The following ANO1 variants were observed in gnomAD, a reference collection of about 807,000 sequenced individuals.
The protein encoded by ANO1 is anoctamin 1, also known as anoctamin-1.
ANO1 carries 59 observed loss-of-function variants against 124.0 expected under a neutral mutation model. That is an observed-to-expected ratio of 0.48 (90% CI 0.39 to 0.59). The LOEUF is 0.59. ANO1 is among the 20% of genes least tolerant of loss of function. ANO1 has a pLI of 0.00. For missense variants in ANO1, 1,059 were observed against 1,328.0 expected (o/e 0.80, Z 3.15); for synonymous variants, 529 against 532.0 (o/e 0.99, Z 0.08).
chr11:70,000,113 G>C (rs1856352892), intron 1 of ANO1, among the ~76,000 whole-genome samples: 1 of 152,178 alleles, frequency 6.6e-6, no homozygotes, highest in African/African-American at 2.4e-5. Context: ...GCAACCAAGT[G>C]AGGTCACTTT....
intron 1 of ANO1, among the ~76,000 whole-genome samples, chr11:70,048,102 T>C (rs1555005890): frequency 6.6e-6 from 1 of 152,254 alleles, no homozygotes; most frequent in African/African-American, 2.4e-5. Context: ...TTTTATGAGA[T>C]ATTATTTTTG....
At chr11:70,161,883 C>T in intron 18 of ANO1, 150 bp downstream of exon 18, 1 of 736,842 alleles carries the variant, frequency 1.4e-6, no homozygotes, top group Non-Finnish European at 2.3e-6. Context: ...AAGGCCTGGG[C>T]CCTGCTGAGG....
chr11:70,022,337 G>A (rs191878286), intron 1 of ANO1, among the ~76,000 whole-genome samples: 324 of 152,262 alleles, frequency 2.1e-3, no homozygotes, highest in Non-Finnish European at 3.1e-3. Flanking sequence ...GGTGGCTCAC[G>A]CCTGTCATCC....
chr11:70,126,285 T>C, intron 10 of ANO1, 90 bp downstream of exon 10: 1 of 1,454,950 alleles, frequency 6.9e-7, no homozygotes, highest in East Asian at 2.5e-5. Flanking sequence ...GACACTGGCC[T>C]CTCACACCAA....
chr11:70,123,614 G>C (rs1040186781), intron 8 of ANO1, among the ~76,000 whole-genome samples: 2 of 152,162 alleles, frequency 1.3e-5, no homozygotes. Context: ...CTCCTGGTGG[G>C]CAGCTGCTCT....
chr11:70,062,905 G>GT (rs569781471), intron 1 of ANO1, among the ~76,000 whole-genome samples: 156 of 152,210 alleles, frequency 1.0e-3, no homozygotes, highest in African/African-American at 3.7e-3. Context: ...CTATTATGTT[G>GT]TTTTTTTGTT....
chr11:70,164,460 A>G (rs1035156146), intron 19 of ANO1, among the ~76,000 whole-genome samples: 2 of 152,172 alleles, frequency 1.3e-5, no homozygotes, highest in African/African-American at 2.4e-5. Flanking sequence ...TCCTTTTTAC[A>G]TGATGATCCC....
intron 1 of ANO1, chr11:70,014,783 G>A (rs1225435572): frequency 1.3e-5 from 2 of 151,520 alleles, no homozygotes; most frequent in Non-Finnish European, 2.9e-5. Context: ...AGTTCCGGAT[G>A]CTCTGCATCC....
intron 8 of ANO1, among the ~76,000 whole-genome samples, chr11:70,117,921 T>C (rs959052428): frequency 5.3e-5 from 8 of 152,312 alleles, no homozygotes; most frequent in Middle Eastern, 3.4e-3. Flanking sequence ...AATTACATAT[T>C]TGGTTATTTT....
At chr11:70,012,068 A>T (rs921530472) in intron 1 of ANO1, among the ~76,000 whole-genome samples, 2 of 151,260 alleles carry the variant, frequency 1.3e-5, no homozygotes, top group African/African-American at 4.9e-5. Context: ...CTAACCATTC[A>T]TTCATCTATC....
chr11:70,161,755 C>A (rs1475116363), intron 18 of ANO1, 22 bp downstream of exon 18: 1 of 1,608,122 alleles, frequency 6.2e-7, no homozygotes, highest in East Asian at 2.2e-5. Flanking sequence ...TTCAGCCTTT[C>A]CCCAACCTCG....
intron 14 of ANO1, 25 bp downstream of exon 14, chr11:70,153,153 T>A: frequency 1.3e-6 from 2 of 1,558,502 alleles, no homozygotes; most frequent in Non-Finnish European, 8.8e-7. Flanking sequence ...GTGGGTTAAC[T>A]TTCCCAGCAA....
chr11:70,182,823 A>G (rs918822032), intron 24 of ANO1, 137 bp downstream of exon 24: 2 of 912,558 alleles, frequency 2.2e-6, no homozygotes, highest in African/African-American at 1.7e-5. Context: ...AAGGAAAAAA[A>G]AAAAGGCTGG....
intron 2 of ANO1, among the ~76,000 whole-genome samples, chr11:70,093,709 G>T (rs959193798): frequency 6.6e-6 from 1 of 152,216 alleles, no homozygotes; most frequent in Non-Finnish European, 1.5e-5. Context: ...ATGCATCCCC[G>T]TAGTGGGTGG....
intron 11 of ANO1, among the ~76,000 whole-genome samples, chr11:70,143,240 C>T (rs564257891): frequency 9.2e-5 from 14 of 152,200 alleles, no homozygotes; most frequent in East Asian, 5.8e-4. Context: ...AGCTACAGAG[C>T]GGGTTGCAGC....
intron 1 of ANO1, among the ~76,000 whole-genome samples, chr11:70,041,569 A>G (rs1857183344): frequency 6.6e-6 from 1 of 152,234 alleles, no homozygotes; most frequent in Non-Finnish European, 1.5e-5. Flanking sequence ...TCATGAAAAG[A>G]TGTGAGCTCA....
intron 16 of ANO1, among the ~76,000 whole-genome samples, chr11:70,160,050 C>G: frequency 6.6e-6 from 1 of 152,150 alleles, no homozygotes; most frequent in East Asian, 1.9e-4. Flanking sequence ...CTGGGGCAAA[C>G]AGACCCATCC....
At chr11:70,012,895 G>A (rs1856626219) in intron 1 of ANO1, among the ~76,000 whole-genome samples, 1 of 152,178 alleles carries the variant, frequency 6.6e-6, no homozygotes, top group Non-Finnish European at 1.5e-5. Context: ...GAGCAGGGCG[G>A]TCCCACTGGA....
intron 1 of ANO1, among the ~76,000 whole-genome samples, chr11:70,007,064 A>G (rs1282572611): frequency 1.3e-5 from 2 of 151,886 alleles, no homozygotes; most frequent in Middle Eastern, 6.3e-3. Flanking sequence ...GCATACTGAA[A>G]CTCTGTACCC....
Sources: gnomAD v4.1 joint callset for allele counts (sites outside exome capture counted in the v4.1 genomes callset) on GRCh38, gnomAD v4.1.1 for gene constraint, MANE v1.5 for transcripts, NCBI Gene and HGNC (gene_info 2026-07-23, HGNC 2026-07-21) for gene names.